KIDINS220: variants seen among roughly 807,000 people sequenced by gnomAD.
KIDINS220 encodes kinase D-interacting substrate of 220 kDa.
In KIDINS220, 63 loss-of-function variants were observed where a neutral mutation model predicts 157.6. The observed-to-expected ratio is 0.40, with a 90% CI of 0.33 to 0.49. KIDINS220 has a LOEUF of 0.49. KIDINS220 is among the 20% of genes least tolerant of loss of function. The pLI, the probability that KIDINS220 is intolerant of heterozygous loss-of-function variation, is 0.66. For missense variants in KIDINS220, 1,772 were observed against 2,171.2 expected (o/e 0.82, Z 3.65); for synonymous variants, 732 against 783.6 (o/e 0.93, Z 1.10).
At chr2:8,796,627 G>A in intron 11 of KIDINS220, 144 bp downstream of exon 11, 1 of 704,634 alleles carries the variant, frequency 1.4e-6, no homozygotes, top group Non-Finnish European at 2.6e-6. Flanking sequence ...ACTACTGTGT[G>A]GGATCCAAAG....
At chr2:8,756,098 A>T (rs1423196132) in intron 22 of KIDINS220, among the ~76,000 whole-genome samples, 3 of 152,214 alleles carry the variant, frequency 2.0e-5, no homozygotes, top group Non-Finnish European at 4.4e-5. Context: ...TAGTCTTCCT[A>T]CCCATGAGCA....
chr2:8,782,150 A>T (rs1671810963), intron 17 of KIDINS220, among the ~76,000 whole-genome samples: 1 of 151,918 alleles, frequency 6.6e-6, no homozygotes, highest in African/African-American at 2.4e-5. Context: ...AAAATTAATA[A>T]TCTAAGCTTC....
intron 22 of KIDINS220, among the ~76,000 whole-genome samples, chr2:8,753,953 G>T (rs892018548): frequency 1.5e-4 from 23 of 152,216 alleles, no homozygotes; most frequent in Admixed American, 5.2e-4. Context: ...CTGAGATGGG[G>T]TTACTTTTAA....
intron 24 of KIDINS220, among the ~76,000 whole-genome samples, chr2:8,749,003 C>CT (rs994318854): frequency 6.6e-6 from 1 of 152,130 alleles, no homozygotes; most frequent in Non-Finnish European, 1.5e-5. Flanking sequence ...GATTTTAAGA[C>CT]TGGTAAATAA....
chr2:8,743,121 C>T (rs1387386256), intron 26 of KIDINS220, among the ~76,000 whole-genome samples: 3 of 152,084 alleles, frequency 2.0e-5, no homozygotes, highest in Non-Finnish European at 4.4e-5. Context: ...GGGAACTGGA[C>T]TCAAAGAAGG....
Position 8,750,355 on chromosome 2 carries a change from C to A in KIDINS220, c.3191-20G>T. The A allele has an allele frequency of 6.7e-7, 1 of 1,490,476 alleles. No individual in the cohort carries two copies. Among genetic ancestry groups the A allele is most frequent in the Non-Finnish European group, 9.0e-7 (1 of 1,110,262 alleles). The allele number at this position is 1,490,476 out of a possible 1,614,324, so 92.3% of individuals were successfully genotyped here. A position where few individuals can be genotyped will look rare whatever the true frequency, so the allele number is the denominator to read the frequency against. ...GAACATCTGAAAGATTCAATCAGAC[C>A]CCAGAAGGCAAGAGAAAACAGGACA... is the stretch of plus-strand genomic sequence containing the variant. On this transcript the variant is annotated intron_variant, in intron 23 of 29. Transcript: ENST00000256707.
chr2:8,727,391 G>T, downstream of KIDINS220: 1 of 353,648 alleles, frequency 2.8e-6, no homozygotes, highest in Non-Finnish European at 4.0e-6. Flanking sequence ...CCATGAAGGG[G>T]CACGGTGCCT....
At chr2:8,723,951 A>T (rs576266217), downstream of KIDINS220, 1 of 152,106 alleles carries the variant, frequency 6.6e-6, no homozygotes, top group East Asian at 1.9e-4. Flanking sequence ...TTTTTCCCCC[A>T]TTTTTTTCCT....
At position 8,786,128 on chromosome 2, in the gene KIDINS220, G is replaced by A; in HGVS notation, c.1939+78C>T. ...ACCTGATGAGTCTAATGTTCAAGGT[G>A]TGTTTTCATGAAAATAAACTGAACA... On this transcript the variant is annotated intron_variant, in intron 16 of 29. Coordinates refer to ENST00000256707, the MANE Select transcript of KIDINS220 (RefSeq NM_020738.4). 6 of 1,577,974 alleles carry A rather than the reference G, an allele frequency of 3.8e-6. No homozygotes were observed. The South Asian group carries it at 4.6e-5, about 12-fold the overall frequency.
chr2:8,769,934 A>C (rs1271809026), intron 22 of KIDINS220, among the ~76,000 whole-genome samples: 1 of 152,244 alleles, frequency 6.6e-6, no homozygotes, highest in African/African-American at 2.4e-5. Context: ...AGCAAAACCT[A>C]GAAGAGCTCA....
At chr2:8,782,364 C>T (rs913084672) in intron 17 of KIDINS220, among the ~76,000 whole-genome samples, 1 of 151,930 alleles carries the variant, frequency 6.6e-6, no homozygotes, top group African/African-American at 2.4e-5. Context: ...GAGAGGCTAC[C>T]ACTTTAGACC....
intron 9 of KIDINS220, 32 bp from the exon 10 acceptor site, chr2:8,798,332 T>G (rs369133109): frequency 8.4e-7 from 1 of 1,191,512 alleles, no homozygotes; most frequent in African/African-American, 1.5e-5. Context: ...AATCACTTCA[T>G]GTAAGATACA....
At chr2:8,781,155 TA>T (rs1210627653) in intron 17 of KIDINS220, among the ~76,000 whole-genome samples, 4 of 132,234 alleles carry the variant, frequency 3.0e-5, no homozygotes, top group African/African-American at 1.2e-4. Flanking sequence ...ATATATATAA[TA>T]TATATATATT....
At chr2:8,785,216 G>A (rs1339718405) in intron 17 of KIDINS220, among the ~76,000 whole-genome samples, 1 of 152,200 alleles carries the variant, frequency 6.6e-6, no homozygotes, top group Non-Finnish European at 1.5e-5. Flanking sequence ...TATGGCGATA[G>A]TAAAAAGAAA....
chr2:8,835,177 C>G (rs1680225838), intron 1 of KIDINS220, among the ~76,000 whole-genome samples: 1 of 152,194 alleles, frequency 6.6e-6, no homozygotes, highest in Admixed American at 6.5e-5. Context: ...GGCTGTCTCT[C>G]TCCTTCATTC....
intron 22 of KIDINS220, among the ~76,000 whole-genome samples, chr2:8,755,745 C>T (rs1667933113): frequency 6.6e-6 from 1 of 152,200 alleles, no homozygotes; most frequent in Non-Finnish European, 1.5e-5. Flanking sequence ...CTGTCCTTTC[C>T]CCCATCAAAT....
chr2:8,792,747 ATTCTAC>A (rs1431306549), intron 12 of KIDINS220, among the ~76,000 whole-genome samples: 1 of 152,166 alleles, frequency 6.6e-6, no homozygotes, highest in Non-Finnish European at 1.5e-5. Context: ...TGACTTGGCA[ATTCTAC>A]TTCTGGGAAT....
intron 23 of KIDINS220, among the ~76,000 whole-genome samples, chr2:8,751,264 T>TC (rs1397219556): frequency 1.3e-5 from 2 of 151,204 alleles, no homozygotes; most frequent in Non-Finnish European, 2.9e-5. Context: ...TTCTTTTTTT[T>TC]TTTTTTTGTT....
chr2:8,759,064 G>A (rs1289005874), intron 22 of KIDINS220, among the ~76,000 whole-genome samples: 1 of 152,168 alleles, frequency 6.6e-6, no homozygotes, highest in Non-Finnish European at 1.5e-5. Flanking sequence ...ACTTTTCAAG[G>A]TCTACAAAAG....
Sources: gnomAD v4.1 joint callset for allele counts (sites outside exome capture counted in the v4.1 genomes callset) on GRCh38, gnomAD v4.1.1 for gene constraint, MANE v1.5 for transcripts, NCBI Gene and HGNC (gene_info 2026-07-23, HGNC 2026-07-21) for gene names.